The following CASR variants were observed in gnomAD, a reference collection of about 807,000 sequenced individuals.
CASR encodes the protein extracellular calcium-sensing receptor.
A neutral mutation model predicts 69.1 loss-of-function variants in CASR; 23 were observed. The observed-to-expected ratio is 0.33, with a 90% CI of 0.24 to 0.47. CASR has a LOEUF of 0.47. Among genes scored for constraint, CASR ranks in the 20% least tolerant of loss-of-function variants. The pLI is 1.00. For synonymous variants in CASR, 541 were observed against 544.7 expected (o/e 0.99, Z 0.10); for missense variants, 924 against 1,356.1 (o/e 0.68, Z 5.00).
At chr3:122,184,857 AG>A (rs1171291680) in intron 1 of CASR, among the ~76,000 whole-genome samples, 5 of 152,208 alleles carry the variant, frequency 3.3e-5, no homozygotes, top group African/African-American at 4.8e-5. Context: ...ATAGTCAGAA[AG>A]GACTCGCTTG....
chr3:122,186,853 G>A (rs999965040), intron 1 of CASR, among the ~76,000 whole-genome samples: 7 of 152,156 alleles, frequency 4.6e-5, no homozygotes, highest in Non-Finnish European at 8.8e-5. Flanking sequence ...TCATTAAGAA[G>A]ACTAACTGCC....
intron 1 of CASR, among the ~76,000 whole-genome samples, chr3:122,244,483 G>A (rs368383056): frequency 3.3e-5 from 5 of 152,042 alleles, no homozygotes; most frequent in Admixed American, 1.3e-4. Flanking sequence ...CAATATAGAT[G>A]AATCTTGCAA....
At chr3:122,215,193 G>A (rs1012949633) in intron 1 of CASR, among the ~76,000 whole-genome samples, 1 of 152,174 alleles carries the variant, frequency 6.6e-6, no homozygotes, top group Non-Finnish European at 1.5e-5. Flanking sequence ...TGGACAGCTG[G>A]GCTTTGTATG....
At chr3:122,207,860 A>G (rs113110981) in intron 1 of CASR, among the ~76,000 whole-genome samples, 362 of 152,260 alleles carry the variant, frequency 2.4e-3, no homozygotes, top group African/African-American at 8.2e-3. Context: ...TTCCTTCCTG[A>G]AAAGGAAGTT....
Position 122,265,808 on chromosome 3 carries a change from C to T in CASR, c.1377+3396C>T, listed in dbSNP as rs530784608. The stretch of plus-strand genomic sequence containing the variant: ...CTTCCTACTCTCCTGCACCTCACAC[C>T]AACACTCACTAGTCAGAAAACAGGC... On this transcript the variant is annotated intron_variant, in intron 4 of 6. Coordinates refer to ENST00000639785, the MANE Select transcript of CASR (RefSeq NM_000388.4). Among the ~76,000 whole-genome samples, 8 of 152,272 alleles carry T rather than the reference C, an allele frequency of 5.3e-5. No individual in the cohort carries two copies. The South Asian group carries it at 1.0e-3, about 20-fold the overall frequency.
chr3:122,245,354 C>T (rs1281401909), intron 1 of CASR: 1 of 152,164 alleles, frequency 6.6e-6, no homozygotes, highest in Non-Finnish European at 1.5e-5. Context: ...ACCAAGTGTA[C>T]ATGTTTATTT....
intron 3 of CASR, among the ~76,000 whole-genome samples, chr3:122,257,823 A>AGAGGG (rs1157133511): frequency 2.0e-5 from 3 of 152,246 alleles, no homozygotes; most frequent in Non-Finnish European, 4.4e-5. Context: ...ACTTTAGCTC[A>AGAGGG]GAGGGAAGCA....
chr3:122,242,046 A>G (rs999885974), intron 1 of CASR, among the ~76,000 whole-genome samples: 1 of 152,158 alleles, frequency 6.6e-6, no homozygotes, highest in East Asian at 1.9e-4. Flanking sequence ...AATAAAAGCC[A>G]TATAAAACAA....
intron 1 of CASR, among the ~76,000 whole-genome samples, chr3:122,190,372 T>G (rs975472277): frequency 1.3e-5 from 2 of 152,166 alleles, no homozygotes; most frequent in Non-Finnish European, 2.9e-5. Context: ...ATCAACCAAT[T>G]TCCATTCATC....
At chr3:122,276,422 G>A (rs2074821864) in intron 5 of CASR, among the ~76,000 whole-genome samples, 1 of 152,242 alleles carries the variant, frequency 6.6e-6, no homozygotes, top group African/African-American at 2.4e-5. Context: ...ACAAGTTTTA[G>A]AGTGGAGGGG....
chr3:122,229,305 A>T (rs1372698015), intron 1 of CASR, among the ~76,000 whole-genome samples: 1 of 151,320 alleles, frequency 6.6e-6, no homozygotes, highest in African/African-American at 2.4e-5. Flanking sequence ...CTTTCCTACC[A>T]GAGTGTGTAG....
chr3:122,226,318 G>A (rs982886743), intron 1 of CASR, among the ~76,000 whole-genome samples: 10 of 151,648 alleles, frequency 6.6e-5, no homozygotes, highest in African/African-American at 7.3e-5. Flanking sequence ...AAGGCAGCGT[G>A]TCTGGAGTTG....
At chr3:122,257,450 C>A in intron 3 of CASR, 63 bp downstream of exon 3, 1 of 1,255,728 alleles carries the variant, frequency 8.0e-7, no homozygotes, top group Non-Finnish European at 1.2e-6. Flanking sequence ...CTTGGGGGTG[C>A]CATGCCCAAT....
chr3:122,273,649 G>A (rs1342570842), intron 4 of CASR, among the ~76,000 whole-genome samples: 1 of 152,172 alleles, frequency 6.6e-6, no homozygotes. Flanking sequence ...TAAGTTTGAA[G>A]CACATTTCAT....
At chr3:122,252,509 GAGAGAA>G (rs1248057470) in intron 1 of CASR, among the ~76,000 whole-genome samples, 4 of 76,818 alleles carry the variant, frequency 5.2e-5, no homozygotes, top group Non-Finnish European at 9.0e-5. Flanking sequence ...GAAAGAGAGA[GAGAGAA>G]AGAAAGAAGG....
chr3:122,276,164 T>C, intron 5 of CASR, 122 bp downstream of exon 5: 1 of 721,496 alleles, frequency 1.4e-6, no homozygotes, highest in Non-Finnish European at 2.5e-6. Context: ...TTCCCTGAAC[T>C]CTCTGGCCTT....
At chr3:122,230,212 C>T (rs903581556) in intron 1 of CASR, among the ~76,000 whole-genome samples, 1 of 152,172 alleles carries the variant, frequency 6.6e-6, no homozygotes, top group Non-Finnish European at 1.5e-5. Flanking sequence ...CTAGGCTTGC[C>T]GGCAGCTGTT....
At chr3:122,254,486 T>G in intron 2 of CASR, 112 bp downstream of exon 2, 2 of 1,079,902 alleles carry the variant, frequency 1.9e-6, no homozygotes, top group Non-Finnish European at 2.8e-6. Flanking sequence ...TCAAGAATAG[T>G]GATTGATTGG....
intron 5 of CASR, among the ~76,000 whole-genome samples, chr3:122,278,450 T>C (rs1283321958): frequency 6.6e-6 from 1 of 152,172 alleles, no homozygotes; most frequent in Non-Finnish European, 1.5e-5. Flanking sequence ...TGCCAATAAT[T>C]CTTTCCTTGT....
Sources: allele counts gnomAD v4.1 joint callset (sites outside exome capture counted in the v4.1 genomes callset), GRCh38; gene constraint gnomAD v4.1.1; transcripts MANE v1.5; gene names NCBI Gene and HGNC (gene_info 2026-07-23, HGNC 2026-07-21).